The following MYL4 variants were observed in gnomAD, a reference collection of about 807,000 sequenced individuals.
The protein encoded by MYL4 is atrial myosin light chain 1.
A neutral mutation model predicts 21.6 loss-of-function variants in MYL4; 16 were observed. That is an observed-to-expected ratio of 0.74 (90% confidence interval 0.50 to 1.12). MYL4 has a LOEUF of 1.12. MYL4 is among the 50% of genes most tolerant of loss of function. The probability of loss-of-function intolerance (pLI) is 0.00; values close to 1 mark genes in which losing one functional copy is unlikely to be tolerated. For synonymous variants in MYL4, 82 were observed against 95.7 expected, an observed-to-expected ratio of 0.86 and a Z score of 0.83; for missense variants, 249 against 252.9, an observed-to-expected ratio of 0.98 and a Z score of 0.11.
downstream of MYL4, among the ~76,000 whole-genome samples, chr17:47,225,530 A>C (rs534062739): frequency 7.2e-5 from 11 of 152,342 alleles, no homozygotes; most frequent in East Asian, 2.1e-3. Context: ...CTTGGAGCAG[A>C]GCCAGTTCAC....
chr17:47,209,578 G>A, intron 1 of MYL4, 21 bp downstream of exon 1: 2 of 1,614,212 alleles, frequency 1.2e-6, no homozygotes, highest in East Asian at 2.2e-5. Flanking sequence ...CTCAGCCATT[G>A]GGATAGAGGT....
At chr17:47,208,551 ACACAC>A (rs2064746479), upstream of MYL4, among the ~76,000 whole-genome samples, 2 of 17,538 alleles carry the variant, frequency 1.1e-4, no homozygotes, top group African/African-American at 5.3e-4. Context: ...AGTAAGCACT[ACACAC>A]ACACACACAC....
At chr17:47,192,203 A>G in the MYL4 span, among the ~76,000 whole-genome samples, 5 of 152,222 alleles carry the variant, frequency 3.3e-5, no homozygotes, top group South Asian at 8.3e-4. Flanking sequence ...AAAAATACCA[A>G]ATTAGCTGGG....
At chr17:47,210,499 C>T (rs1026780875) in intron 1 of MYL4, among the ~76,000 whole-genome samples, 1 of 152,126 alleles carries the variant, frequency 6.6e-6, no homozygotes, top group African/African-American at 2.4e-5. Flanking sequence ...CTATTAATAA[C>T]AGGTTGGGAG....
chr17:47,213,704 G>T (rs2064792405), intron 1 of MYL4, 95 bp from the exon 2 acceptor site: 4 of 1,281,942 alleles, frequency 3.1e-6, no homozygotes, highest in Non-Finnish European at 4.5e-6. Flanking sequence ...TGGCCATACT[G>T]CATTGGAAGC....
Position 47,222,397 on chromosome 17 carries a change from G to A in MYL4, c.505G>A (p.Ala169Thr). The A allele has an allele frequency of 6.2e-7, 1 of 1,614,192 alleles. No homozygotes were observed. ...CACCGCAGGAGAGAAGATGACTGAG[G>A]CTGAAGTGGAGCAGCTGTTAGCTGG... ...LATLGEKMTE[A>T]EVEQLLAGQE... The change falls in exon 5 of 7, where the codon GCT (alanine) becomes ACT (threonine). Residue 169 changes from alanine (A) to threonine (T), a missense_variant. Coordinates refer to ENST00000393450, the MANE Select transcript of MYL4 (RefSeq NM_002476.2).
chr17:47,222,936 A>G, intron 5 of MYL4, 78 bp from the exon 6 acceptor site: 1 of 1,538,638 alleles, frequency 6.5e-7, no homozygotes, highest in East Asian at 2.2e-5. Context: ...GAAGTCAGGC[A>G]GTGTAGAGAA....
chr17:47,220,033 T>C lies in MYL4; in HGVS notation c.293T>C (p.Leu98Pro). ...ACCAATGCCGAGGTGCTGCGTGTGC[T>C]GGGCAAGCCCAAGCCTGAAGGTCAG... ...NPTNAEVLRV[L>P]GKPKPEEMNV... The change falls in exon 3 of 7, where the codon CTG (leucine) becomes CCG (proline). Residue 98 changes from leucine (L) to proline (P), a missense_variant. Physicochemically the swap from Leu to Pro is moderately conservative, Grantham distance 98. Transcript: ENST00000393450. The C allele has an allele frequency of 6.2e-7, 1 of 1,613,810 alleles. No homozygotes were observed. Among genetic ancestry groups the C allele is most frequent in the Non-Finnish European group, 8.5e-7 (1 of 1,179,810 alleles).
the MYL4 span, among the ~76,000 whole-genome samples, chr17:47,191,780 T>A: frequency 6.6e-6 from 1 of 152,198 alleles, no homozygotes; most frequent in Non-Finnish European, 1.5e-5. Context: ...GTATTTACAT[T>A]TTTTAGCAGT....
chr17:47,203,933 C>T (rs2070841587), intron 1 of MYL4, among the ~76,000 whole-genome samples: 1 of 152,184 alleles, frequency 6.6e-6, no homozygotes, highest in Admixed American at 6.5e-5. Flanking sequence ...GGAAAAGCAG[C>T]CTTAGGAGTA....
intron 5 of MYL4, 28 bp from the exon 6 acceptor site, chr17:47,222,986 T>C (rs2064867944): frequency 5.0e-6 from 8 of 1,612,954 alleles, no homozygotes; most frequent in Non-Finnish European, 6.8e-6. Flanking sequence ...CTGAGCCACA[T>C]GGTGGCTGAT....
chr17:47,189,584 C>T, the MYL4 span, among the ~76,000 whole-genome samples: 5 of 152,266 alleles, frequency 3.3e-5, no homozygotes, highest in South Asian at 4.1e-4. Context: ...GGCGTGACAG[C>T]GCGGGCGGGT....
upstream of MYL4, among the ~76,000 whole-genome samples, chr17:47,196,876 AAT>A (rs1159218114): frequency 4.6e-5 from 7 of 151,994 alleles, no homozygotes; most frequent in Non-Finnish European, 2.9e-5. Flanking sequence ...AAAATATATA[AAT>A]ATTTTTTGTT....
chr17:47,210,138 C>CCTTTCCTTCCCCAGAT (rs2064762987), intron 1 of MYL4, among the ~76,000 whole-genome samples: 1 of 152,088 alleles, frequency 6.6e-6, no homozygotes, highest in Non-Finnish European at 1.5e-5. Context: ...CTTACCCAGA[C>CCTTTCCTTCCCCAGAT]GGGCCTTTCC....
the MYL4 span, among the ~76,000 whole-genome samples, chr17:47,193,395 G>A: frequency 6.6e-6 from 1 of 152,096 alleles, no homozygotes; most frequent in African/African-American, 2.4e-5. Context: ...AGCCCCCTGA[G>A]TAGCTGAATT....
At chr17:47,200,058 A>G (rs2064704224), upstream of MYL4, among the ~76,000 whole-genome samples, 1 of 150,502 alleles carries the variant, frequency 6.6e-6, no homozygotes, top group Non-Finnish European at 1.5e-5. Context: ...GTGTTAGTTG[A>G]ATGAATGAAT....
At chr17:47,193,731 CCTTT>C in the MYL4 span, among the ~76,000 whole-genome samples, 40 of 150,448 alleles carry the variant, frequency 2.7e-4, no homozygotes, top group African/African-American at 5.2e-4. Context: ...TTCCTTCCTT[CCTTT>C]CTTTCTTTCT....
upstream of MYL4, among the ~76,000 whole-genome samples, chr17:47,195,594 G>A (rs1379737840): frequency 1.3e-5 from 2 of 152,092 alleles, no homozygotes; most frequent in Admixed American, 6.6e-5. Context: ...CCTGATCTCA[G>A]GTGATCCGCC....
chr17:47,225,855 CTTTTTTTTTT>C (rs60342000), downstream of MYL4, among the ~76,000 whole-genome samples: 1 of 113,300 alleles, frequency 8.8e-6, no homozygotes, highest in Non-Finnish European at 1.8e-5. Flanking sequence ...TCCTTCCCTT[CTTTTTTTTTT>C]TTTTTTTTTT....
Sources: gnomAD v4.1 joint callset for allele counts (sites outside exome capture counted in the v4.1 genomes callset) on GRCh38, gnomAD v4.1.1 for gene constraint, MANE v1.5 for transcripts, NCBI Gene and HGNC (gene_info 2026-07-23, HGNC 2026-07-21) for gene names.